Variants in CD109 observed in about 807,000 individuals in gnomAD.
CD109 encodes the protein CD109 molecule.
A neutral mutation model predicts 165.8 loss-of-function variants in CD109; 149 were observed. That is an observed-to-expected ratio of 0.90 (90% CI 0.79 to 1.03). The LOEUF is 1.03. Ranked by LOEUF, CD109 falls within the 50% of genes least tolerant of loss-of-function variation. The pLI is 0.00. For synonymous variants in CD109, 585 were observed against 592.1 expected, an observed-to-expected ratio of 0.99 and a Z score of 0.18; for missense variants, 1,712 against 1,677.8, an observed-to-expected ratio of 1.02 and a Z score of -0.36.
At chr6:73,773,007 GAAT>G (rs1774101304) in intron 15 of CD109, among the ~76,000 whole-genome samples, 1 of 149,402 alleles carries the variant, frequency 6.7e-6, no homozygotes, top group African/African-American at 2.5e-5. Context: ...TGATTTAACT[GAAT>G]ATAATAGTAT....
chr6:73,816,974 G>A (rs1336213825), intron 30 of CD109, among the ~76,000 whole-genome samples: 4 of 152,160 alleles, frequency 2.6e-5, no homozygotes, highest in Admixed American at 6.5e-5. Flanking sequence ...TGGGTGGTAG[G>A]TAGAGCCTGA....
At chr6:73,680,513 G>C in the CD109 span, among the ~76,000 whole-genome samples, 1 of 152,194 alleles carries the variant, frequency 6.6e-6, no homozygotes, top group African/African-American at 2.4e-5. Context: ...TGTGAAAAAT[G>C]AGCTTTTGTG....
chr6:73,795,736 G>A (rs1187239692), intron 23 of CD109, among the ~76,000 whole-genome samples: 1 of 152,196 alleles, frequency 6.6e-6, no homozygotes, highest in Non-Finnish European at 1.5e-5. Flanking sequence ...TGGCTGTGGA[G>A]GCAGTCACAC....
In CD109 at chr6:73,762,724, A is replaced by G; in HGVS notation, c.856-17A>G. On this transcript the variant is annotated splice_polypyrimidine_tract_variant and intron_variant, in intron 8 of 32. Transcript: ENST00000287097. Reference sequence around the variant, plus strand: ...TTGCTAAAATGGTAAATAATACTGAACTTTTAAACAAAACAGATAAATGGA... The same window carrying G: ...TTGCTAAAATGGTAAATAATACTGAGCTTTTAAACAAAACAGATAAATGGA... 1 of 1,577,886 alleles carries G rather than the reference A, an allele frequency of 6.3e-7. No individual in the cohort carries two copies. The highest frequency in any genetic ancestry group is 8.6e-7 in the Non-Finnish European group (1 of 1,158,206).
chr6:73,704,072 T>C (rs55982851), intron 2 of CD109, among the ~76,000 whole-genome samples: 8,325 of 151,248 alleles, frequency 0.055, 283 homozygotes, highest in East Asian at 0.13. Flanking sequence ...ATAGTCCCAG[T>C]TACTTGGGAG....
At chr6:73,684,260 C>T in the CD109 span, among the ~76,000 whole-genome samples, 1 of 149,502 alleles carries the variant, frequency 6.7e-6, no homozygotes, top group Non-Finnish European at 1.5e-5. Context: ...TGCTCTGTCA[C>T]CCAGGCTGGA....
chr6:73,719,442 AT>A (rs1235844514), intron 2 of CD109, among the ~76,000 whole-genome samples: 5 of 152,130 alleles, frequency 3.3e-5, no homozygotes, highest in African/African-American at 1.2e-4. Flanking sequence ...TTCCTTCTAC[AT>A]TTATTAGTTG....
At chr6:73,801,557 G>A (rs1341717260) in intron 23 of CD109, among the ~76,000 whole-genome samples, 1 of 151,722 alleles carries the variant, frequency 6.6e-6, no homozygotes, top group Admixed American at 6.6e-5. Flanking sequence ...TTTTCTTTAT[G>A]CATTTTGTTT....
At chr6:73,757,935 T>C (rs1773458093) in intron 6 of CD109, among the ~76,000 whole-genome samples, 1 of 152,080 alleles carries the variant, frequency 6.6e-6, no homozygotes. Context: ...TATATCCCAT[T>C]GTGATGGTAT....
At chr6:73,690,695 C>T in the CD109 span, among the ~76,000 whole-genome samples, 40 of 152,274 alleles carry the variant, frequency 2.6e-4, no homozygotes, top group East Asian at 5.8e-3. Flanking sequence ...CCACCGTGCC[C>T]GGCTGCAGCT....
intron 3 of CD109, among the ~76,000 whole-genome samples, chr6:73,725,374 T>G (rs1267909181): frequency 6.6e-6 from 1 of 152,140 alleles, no homozygotes; most frequent in Non-Finnish European, 1.5e-5. Context: ...GTTTGCAGTT[T>G]CACATACCGG....
At chr6:73,766,922 A>G in intron 12 of CD109, 26 bp from the exon 13 acceptor site, 3 of 1,611,950 alleles carry the variant, frequency 1.9e-6, no homozygotes, top group Non-Finnish European at 2.5e-6. Context: ...TTTGATATGT[A>G]CATATTAATT....
At position 73,823,481 on chromosome 6, in the gene CD109, A is replaced by G. The variant is rs966036920; in HGVS notation, c.4186A>G (p.Asn1396Asp). Residue 1396 changes from asparagine (N) to aspartate (D), a missense_variant, in exon 33 of 33, where the codon AAC (asparagine) becomes GAC (aspartate). Asn to Asp is a conservative substitution (Grantham distance 23). Transcript: ENST00000287097. ...AGGGAGACAGGCGGTGAGAAGTTAC[A>G]ACTCTGAAGTGAAGCTGTCCTCCTG... Reference protein sequence around the residue: ...EPRRQAVRSYNSEVKLSSCDL... With the variant: ...EPRRQAVRSYDSEVKLSSCDL... The G allele has an allele frequency of 2.5e-6, 4 of 1,611,660 alleles. No individual in the cohort carries two copies. Among genetic ancestry groups the G allele is most frequent in the Non-Finnish European group, 3.4e-6 (4 of 1,178,148 alleles).
In CD109 at chr6:73,780,406, A is replaced by G. The variant is rs751140613; in HGVS notation, c.1828-18A>G. The G allele has an allele frequency of 1.2e-5, 18 of 1,471,098 alleles. No homozygotes were observed. Among genetic ancestry groups the G allele is most frequent in the Admixed American group, 3.4e-5 (2 of 59,420 alleles). 91.1% of individuals were successfully genotyped at this position (1,471,098 alleles called of 1,614,324 possible). ...TGTTATGAATCCATTCATTCCGTATATTTTATCTTCTCCTTAGGTGGTCCA... is the reference window on the plus strand; with the variant it reads ...TGTTATGAATCCATTCATTCCGTATGTTTTATCTTCTCCTTAGGTGGTCCA... On this transcript the variant is annotated intron_variant, in intron 15 of 32. Coordinates refer to ENST00000287097, the MANE Select transcript of CD109 (RefSeq NM_133493.5).
At chr6:73,774,237 C>T (rs145558699) in intron 15 of CD109, among the ~76,000 whole-genome samples, 2 of 152,272 alleles carry the variant, frequency 1.3e-5, no homozygotes, top group East Asian at 3.9e-4. Context: ...AGTATTTATA[C>T]TCTTTGGAAG....
chr6:73,825,803 C>A lies in CD109; in HGVS notation c.*2170C>A, dbSNP rs1486357480. 1 of 152,026 alleles carries A rather than the reference C, an allele frequency of 6.6e-6. No homozygotes were observed. The highest frequency in any genetic ancestry group is 6.6e-5 in the Admixed American group (1 of 15,256). 9.4% of individuals were successfully genotyped at this position (152,026 alleles called of 1,614,324 possible). On this transcript the variant is annotated 3_prime_UTR_variant, in exon 33 of 33. Transcript: ENST00000287097. Reference sequence around the variant, plus strand: ...GACCAGCCTGGCCAATATGGTGAAACCCCGTCCCTACTAAAAATACAAAAT... The same window carrying A: ...GACCAGCCTGGCCAATATGGTGAAAACCCGTCCCTACTAAAAATACAAAAT...
At chr6:73,760,870 C>T (rs950185648) in intron 7 of CD109, among the ~76,000 whole-genome samples, 1 of 151,486 alleles carries the variant, frequency 6.6e-6, no homozygotes, top group African/African-American at 2.4e-5. Context: ...ATAAAATTCG[C>T]TGGACGTGGT....
At chr6:73,699,397 A>G (rs1770974356) in intron 2 of CD109, among the ~76,000 whole-genome samples, 1 of 152,204 alleles carries the variant, frequency 6.6e-6, no homozygotes, top group African/African-American at 2.4e-5. Flanking sequence ...TATTGGCTCC[A>G]CTAGTGTGGC....
intron 31 of CD109, among the ~76,000 whole-genome samples, chr6:73,820,220 A>T (rs185831289): frequency 2.4e-4 from 37 of 152,092 alleles, no homozygotes; most frequent in African/African-American, 8.9e-4. Flanking sequence ...TTACTTAACC[A>T]CTCTAATTCT....
Sources: gnomAD v4.1 joint callset for allele counts (sites outside exome capture counted in the v4.1 genomes callset) on GRCh38, gnomAD v4.1.1 for gene constraint, MANE v1.5 for transcripts, NCBI Gene and HGNC (gene_info 2026-07-23, HGNC 2026-07-21) for gene names.